Variants in AK5 observed in about 807,000 individuals in gnomAD.
The protein encoded by AK5 is adenylate kinase isoenzyme 5.
Under a neutral mutation model 69.5 loss-of-function variants are expected in AK5, and 27 were observed. That is an observed-to-expected ratio of 0.39 (90% CI 0.29 to 0.54). The LOEUF (loss-of-function observed/expected upper bound fraction) is 0.54. AK5 is among the 20% of genes least tolerant of loss of function. The pLI, the probability that AK5 is intolerant of heterozygous loss-of-function variation, is 0.71. For missense variants in AK5, 531 were observed against 700.4 expected, an observed-to-expected ratio of 0.76 and a Z score of 2.73; for synonymous variants, 260 against 244.4, an observed-to-expected ratio of 1.06 and a Z score of -0.60.
intron 10 of AK5, among the ~76,000 whole-genome samples, chr1:77,516,679 A>G (rs1320223279): frequency 6.6e-6 from 1 of 152,058 alleles, no homozygotes; most frequent in Non-Finnish European, 1.5e-5. Context: ...ATTGAATGCT[A>G]TGGAGGTGGG....
In AK5 at chr1:77,368,239, ATATATAT is replaced by A. The variant is rs1388792356; in HGVS notation, c.891+27672_891+27678del. ...ACTATATATATATATATATATATAT[ATATATAT>A]ATATATAATATATATGTTATATATA... On this transcript the variant is annotated intron_variant, in intron 6 of 13. Coordinates refer to ENST00000354567, the MANE Select transcript of AK5 (RefSeq NM_174858.3). 1.2e-3 allele frequency among the ~76,000 whole-genome samples: 19 copies of A among 16,204 alleles called. 3 individuals carry two copies. The East Asian group carries it at 0.021, about 18-fold the overall frequency. 10.6% of individuals were successfully genotyped at this position (16,204 alleles called of 152,430 possible).
intron 12 of AK5, among the ~76,000 whole-genome samples, chr1:77,534,058 T>G (rs1658820575): frequency 6.6e-6 from 1 of 152,056 alleles, no homozygotes; most frequent in Non-Finnish European, 1.5e-5. Flanking sequence ...TTCCTTAAAG[T>G]ACACCCCTCA....
intron 11 of AK5, among the ~76,000 whole-genome samples, chr1:77,518,950 T>C (rs1657826653): frequency 6.6e-6 from 1 of 152,174 alleles, no homozygotes; most frequent in South Asian, 2.1e-4. Flanking sequence ...CTTGTTGCTC[T>C]ACCAGGCCCT....
chr1:77,404,617 A>G lies in AK5; in HGVS notation c.892-6364A>G, dbSNP rs1156586316. 2.0e-5 allele frequency among the ~76,000 whole-genome samples: 3 copies of G among 152,204 alleles called. No homozygotes were observed. In the East Asian group the frequency reaches 5.8e-4, roughly 29 times the overall value. ...TAATATTTGCTAAAAGAATTAAAAG[A>G]AAAGTCCCATGCCACTCTGGAGTTG... On this transcript the variant is annotated intron_variant, in intron 6 of 13. Coordinates refer to ENST00000354567, the MANE Select transcript of AK5 (RefSeq NM_174858.3).
intron 10 of AK5, among the ~76,000 whole-genome samples, chr1:77,497,067 C>T (rs1188436300): frequency 6.6e-6 from 1 of 152,244 alleles, no homozygotes; most frequent in Non-Finnish European, 1.5e-5. Context: ...ATAAATCTTG[C>T]TGCTGCTGAT....
At chr1:77,368,284 T>TACATATA (rs1647051459) in intron 6 of AK5, among the ~76,000 whole-genome samples, 1 of 98,988 alleles carries the variant, frequency 1.0e-5, no homozygotes, top group South Asian at 3.2e-4. Flanking sequence ...TTATATATGT[T>TACATATA]ATATATATGT....
intron 5 of AK5, among the ~76,000 whole-genome samples, chr1:77,306,494 G>GTTTTTTTTTTTTTTTTT (rs869202567): frequency 8.3e-6 from 1 of 120,366 alleles, no homozygotes; most frequent in Non-Finnish European, 1.7e-5. Flanking sequence ...GTTTTTTTTT[G>GTTTTTTTTTTTTTTTTT]TTTTTTTTTT....
chr1:77,539,876 T>G (rs1659176663), intron 13 of AK5, among the ~76,000 whole-genome samples: 1 of 152,210 alleles, frequency 6.6e-6, no homozygotes, highest in Non-Finnish European at 1.5e-5. Context: ...TCTGGGTCAC[T>G]TAAGGAGCTT....
intron 2 of AK5, among the ~76,000 whole-genome samples, chr1:77,289,837 T>C (rs1447535481): frequency 1.7e-5 from 2 of 116,320 alleles, no homozygotes; most frequent in Admixed American, 2.6e-4. Context: ...CACTCCAGCC[T>C]GGGCGACACA....
At chr1:77,365,396 A>AT (rs1303030848) in intron 6 of AK5, among the ~76,000 whole-genome samples, 1 of 152,206 alleles carries the variant, frequency 6.6e-6, no homozygotes, top group Admixed American at 6.5e-5. Flanking sequence ...GTGCAGCCTC[A>AT]AACTCCTGGG....
chr1:77,298,956 A>C (rs1411186164), intron 5 of AK5, among the ~76,000 whole-genome samples: 1 of 152,226 alleles, frequency 6.6e-6, no homozygotes, highest in African/African-American at 2.4e-5. Context: ...CCTGAGAAAT[A>C]GGAGTACTGT....
intron 6 of AK5, among the ~76,000 whole-genome samples, chr1:77,367,554 T>TATATATATA (rs59508312): frequency 7.0e-5 from 2 of 28,588 alleles, no homozygotes; most frequent in African/African-American, 9.3e-5. Context: ...ATTTATGTTA[T>TATATATATA]TTTTATATAT....
At chr1:77,410,092 A>G (rs1485666176) in intron 6 of AK5, among the ~76,000 whole-genome samples, 1 of 152,186 alleles carries the variant, frequency 6.6e-6, no homozygotes, top group Non-Finnish European at 1.5e-5. Context: ...AAACTCAGAA[A>G]ATAGAGAATT....
chr1:77,301,321 T>C (rs1023323320), intron 5 of AK5, among the ~76,000 whole-genome samples: 1 of 152,160 alleles, frequency 6.6e-6, no homozygotes, highest in African/African-American at 2.4e-5. Context: ...GGGAAGAGAA[T>C]GTGAAGGTCT....
intron 10 of AK5, among the ~76,000 whole-genome samples, chr1:77,509,678 T>C (rs1657231135): frequency 6.6e-6 from 1 of 152,206 alleles, no homozygotes; most frequent in Admixed American, 6.5e-5. Context: ...TAAGATAGTT[T>C]GATTTGCAAA....
intron 6 of AK5, among the ~76,000 whole-genome samples, chr1:77,397,593 AT>A (rs1478708541): frequency 1.2e-4 from 19 of 152,216 alleles, no homozygotes; most frequent in African/African-American, 4.3e-4. Context: ...AAATGTGTGT[AT>A]TAACTAAAAA....
intron 2 of AK5, among the ~76,000 whole-genome samples, chr1:77,290,613 T>C (rs920777177): frequency 6.6e-6 from 1 of 152,220 alleles, no homozygotes; most frequent in African/African-American, 2.4e-5. Context: ...TCTAATCCCA[T>C]AACCCCAAAC....
chr1:77,390,215 T>A (rs1648331660), intron 6 of AK5, among the ~76,000 whole-genome samples: 1 of 152,226 alleles, frequency 6.6e-6, no homozygotes, highest in Admixed American at 6.5e-5. Flanking sequence ...CCAGGTAAAA[T>A]CAGTTATGTT....
intron 6 of AK5, among the ~76,000 whole-genome samples, chr1:77,370,307 A>G (rs1394801103): frequency 1.3e-5 from 2 of 152,180 alleles, no homozygotes; most frequent in East Asian, 3.9e-4. Context: ...CCCGTAAGTC[A>G]CTGAAAAGCT....
Sources: allele counts gnomAD v4.1 joint callset (sites outside exome capture counted in the v4.1 genomes callset), GRCh38; gene constraint gnomAD v4.1.1; transcripts MANE v1.5; gene names NCBI Gene and HGNC (gene_info 2026-07-23, HGNC 2026-07-21).